The following CAST variants were observed in gnomAD, a reference collection of about 807,000 sequenced individuals.
CAST encodes the protein calpastatin.
A neutral mutation model predicts 119.6 loss-of-function variants in CAST; 76 were observed. The observed-to-expected ratio is 0.64, with a 90% CI of 0.53 to 0.77. The LOEUF (loss-of-function observed/expected upper bound fraction) is 0.77. CAST is among the 30% of genes least tolerant of loss of function. The pLI is 0.00. For synonymous variants in CAST, 319 were observed against 331.6 expected (o/e 0.96, Z 0.41); for missense variants, 953 against 946.5 (o/e 1.01, Z -0.09).
At chr5:96,140,014 T>A in the CAST span, among the ~76,000 whole-genome samples, 1 of 152,340 alleles carries the variant, frequency 6.6e-6, no homozygotes, top group East Asian at 1.9e-4. Context: ...TTATTTCATA[T>A]TGATATTCAA....
At chr5:96,329,024 A>C in the CAST span, among the ~76,000 whole-genome samples, 2 of 152,238 alleles carry the variant, frequency 1.3e-5, no homozygotes, top group Non-Finnish European at 2.9e-5. Context: ...GGCAAGAATC[A>C]TATCTTAAAT....
At chr5:96,139,150 T>TA in the CAST span, among the ~76,000 whole-genome samples, 1 of 152,058 alleles carries the variant, frequency 6.6e-6, no homozygotes, top group Non-Finnish European at 1.5e-5. Flanking sequence ...ATTCCCATTC[T>TA]ATAATTTCTC....
chr5:96,438,284 G>A, the CAST span, among the ~76,000 whole-genome samples: 11 of 152,220 alleles, frequency 7.2e-5, no homozygotes, highest in South Asian at 4.1e-4. Context: ...TGTGTATACC[G>A]TTCATGCAGC....
chr5:96,265,337 T>C, the CAST span, among the ~76,000 whole-genome samples: 8 of 151,976 alleles, frequency 5.3e-5, no homozygotes, highest in Non-Finnish European at 1.2e-4. Context: ...TTACTACATA[T>C]ATATGTATAC....
the CAST span, among the ~76,000 whole-genome samples, chr5:96,002,825 A>C: frequency 6.6e-6 from 1 of 152,376 alleles, no homozygotes; most frequent in Middle Eastern, 3.4e-3. Flanking sequence ...ATATTTATTT[A>C]TGTTTTTGAA....
At chr5:96,029,529 T>C in the CAST span, among the ~76,000 whole-genome samples, 2 of 152,168 alleles carry the variant, frequency 1.3e-5, no homozygotes, top group Admixed American at 6.6e-5. Flanking sequence ...AAGCTTCATA[T>C]GTAAAAAATA....
the CAST span, among the ~76,000 whole-genome samples, chr5:96,306,151 C>T: frequency 5.9e-5 from 9 of 152,072 alleles, no homozygotes; most frequent in Admixed American, 1.3e-4. Flanking sequence ...TTCAGGGATT[C>T]GACTTCTTCC....
the CAST span, among the ~76,000 whole-genome samples, chr5:96,207,768 G>A: frequency 1.3e-5 from 2 of 152,010 alleles, no homozygotes; most frequent in South Asian, 2.1e-4. Context: ...TGTTGTTGTT[G>A]TGTCTCTGCC....
chr5:96,084,064 C>T, the CAST span, among the ~76,000 whole-genome samples: 1 of 152,082 alleles, frequency 6.6e-6, no homozygotes, highest in Non-Finnish European at 1.5e-5. Flanking sequence ...AAGAACTATA[C>T]GAGTGTTAAA....
the CAST span, among the ~76,000 whole-genome samples, chr5:96,346,633 C>T: frequency 3.3e-5 from 5 of 152,124 alleles, no homozygotes; most frequent in East Asian, 1.9e-4. Flanking sequence ...TAAAGCAACA[C>T]CCAAACCTCA....
chr5:96,348,245 G>T, the CAST span, among the ~76,000 whole-genome samples: 1 of 152,084 alleles, frequency 6.6e-6, no homozygotes, highest in Non-Finnish European at 1.5e-5. Flanking sequence ...GGTAACAGAA[G>T]AAGGAAGGGA....
chr5:96,596,904 GAGC>G (rs1747059246), intron 1 of CAST, among the ~76,000 whole-genome samples: 1 of 152,154 alleles, frequency 6.6e-6, no homozygotes, highest in African/African-American at 2.4e-5. Flanking sequence ...CCTTTTCTCT[GAGC>G]ATGTGAGGAG....
chr5:96,378,745 A>G, the CAST span, among the ~76,000 whole-genome samples: 69 of 152,174 alleles, frequency 4.5e-4, no homozygotes, highest in Admixed American at 1.8e-3. Flanking sequence ...TTATACTCTT[A>G]TTTATGAGTG....
the CAST span, among the ~76,000 whole-genome samples, chr5:96,482,287 G>A: frequency 6.6e-6 from 1 of 151,884 alleles, no homozygotes; most frequent in African/African-American, 2.4e-5. Context: ...GCACAGGTTA[G>A]TACATGGTTA....
At chr5:96,410,183 C>T in the CAST span, among the ~76,000 whole-genome samples, 1 of 152,122 alleles carries the variant, frequency 6.6e-6, no homozygotes, top group South Asian at 2.1e-4. Context: ...GGCCGTCTGA[C>T]TCATGGAAGC....
chr5:96,681,404 C>A (rs190219130), intron 2 of CAST, among the ~76,000 whole-genome samples: 4 of 152,254 alleles, frequency 2.6e-5, no homozygotes, highest in Admixed American at 6.5e-5. Context: ...TGCCTTGGTG[C>A]AAGATTTTTT....
chr5:96,356,784 C>A, the CAST span, among the ~76,000 whole-genome samples: 3 of 152,102 alleles, frequency 2.0e-5, no homozygotes. Flanking sequence ...CAGCTTTGTT[C>A]TTTTTGCTTA....
At chr5:96,206,794 T>G in the CAST span, among the ~76,000 whole-genome samples, 1 of 152,124 alleles carries the variant, frequency 6.6e-6, no homozygotes, top group Non-Finnish European at 1.5e-5. Flanking sequence ...GGGCTCTTCA[T>G]ATTAGTTCTC....
the CAST span, among the ~76,000 whole-genome samples, chr5:96,516,217 T>G: frequency 6.6e-6 from 1 of 151,984 alleles, no homozygotes; most frequent in Non-Finnish European, 1.5e-5. Context: ...GCAATTATTT[T>G]TCTTCAAGTG....
Sources: gnomAD v4.1 joint callset for allele counts (sites outside exome capture counted in the v4.1 genomes callset) on GRCh38, gnomAD v4.1.1 for gene constraint, MANE v1.5 for transcripts, NCBI Gene and HGNC (gene_info 2026-07-23, HGNC 2026-07-21) for gene names.